Variants in PPM1B observed in about 807,000 individuals in gnomAD.
The protein encoded by PPM1B is protein phosphatase, Mg2+/Mn2+ dependent 1B, also known as protein phosphatase 1B.
Under a neutral mutation model 43.0 loss-of-function variants are expected in PPM1B, and 22 were observed. The ratio of observed to expected loss-of-function variants is 0.51; its 90% CI spans 0.37 to 0.73. The LOEUF is 0.73. PPM1B is among the 30% of genes least tolerant of loss of function. The probability of loss-of-function intolerance (pLI) is 0.00; values close to 1 mark genes in which losing one functional copy is unlikely to be tolerated. For synonymous variants in PPM1B, 217 were observed against 197.9 expected (o/e 1.10, Z -0.81); for missense variants, 632 against 584.2 (o/e 1.08, Z -0.84).
At chr2:44,171,136 G>T (rs969713412) in intron 1 of PPM1B, among the ~76,000 whole-genome samples, 1 of 152,166 alleles carries the variant, frequency 6.6e-6, no homozygotes, top group Non-Finnish European at 1.5e-5. Flanking sequence ...TTGTTGAAGT[G>T]ATTGTTCTCT....
At chr2:44,221,136 G>C (rs1669961508) in intron 5 of PPM1B, among the ~76,000 whole-genome samples, 1 of 152,152 alleles carries the variant, frequency 6.6e-6, no homozygotes, top group Non-Finnish European at 1.5e-5. Flanking sequence ...AAGAGATGCA[G>C]GCAGTCAGGT....
chr2:44,213,177 G>T (rs1669563207), intron 3 of PPM1B, among the ~76,000 whole-genome samples: 1 of 135,930 alleles, frequency 7.4e-6, no homozygotes, highest in South Asian at 2.3e-4. Context: ...ATAACCTTTT[G>T]GTTTTATATA....
chr2:44,218,628 A>G, intron 5 of PPM1B, 91 bp downstream of exon 5: 1 of 877,026 alleles, frequency 1.1e-6, no homozygotes. Context: ...AGTCTATAAT[A>G]AATTATAGTC....
intron 1 of PPM1B, among the ~76,000 whole-genome samples, chr2:44,183,000 G>A (rs1171394904): frequency 2.0e-5 from 3 of 152,212 alleles, no homozygotes; most frequent in Non-Finnish European, 2.9e-5. Context: ...GGGTCTTGCA[G>A]AATTCCCTTT....
At chr2:44,234,858 T>TA (rs1454184747), downstream of PPM1B, among the ~76,000 whole-genome samples, 1 of 152,242 alleles carries the variant, frequency 6.6e-6, no homozygotes, top group Admixed American at 6.5e-5. Flanking sequence ...ATAATTGTCT[T>TA]ATAAGTTAGG....
intron 1 of PPM1B, among the ~76,000 whole-genome samples, chr2:44,171,988 G>A (rs980202291): frequency 6.6e-6 from 1 of 152,052 alleles, no homozygotes; most frequent in Non-Finnish European, 1.5e-5. Flanking sequence ...TATATTTTCT[G>A]TGAAATATGC....
intron 1 of PPM1B, among the ~76,000 whole-genome samples, chr2:44,174,326 C>G (rs1296025493): frequency 6.6e-6 from 1 of 152,174 alleles, no homozygotes; most frequent in Non-Finnish European, 1.5e-5. Flanking sequence ...TTAGAGGAGA[C>G]AGACAAACTT....
At chr2:44,189,627 C>T (rs1422056324) in intron 1 of PPM1B, among the ~76,000 whole-genome samples, 1 of 152,114 alleles carries the variant, frequency 6.6e-6, no homozygotes, top group South Asian at 2.1e-4. Context: ...CCACGCCTGG[C>T]TAATTTTTTG....
intron 5 of PPM1B, among the ~76,000 whole-genome samples, chr2:44,243,697 T>A (rs983262520): frequency 3.9e-5 from 6 of 152,200 alleles, no homozygotes; most frequent in Admixed American, 3.3e-4. Flanking sequence ...TTCTATTTTA[T>A]CGTTTTGTGT....
intron 5 of PPM1B, among the ~76,000 whole-genome samples, chr2:44,240,810 A>T (rs1008242320): frequency 7.4e-6 from 1 of 134,658 alleles, no homozygotes; most frequent in East Asian, 2.1e-4. Flanking sequence ...CTAAGCTAAG[A>T]GAGTCCCGAG....
chr2:44,210,257 C>T (rs930308655), intron 3 of PPM1B, among the ~76,000 whole-genome samples: 2 of 148,004 alleles, frequency 1.4e-5, no homozygotes, highest in Admixed American at 1.4e-4. Context: ...TGCTCTGTTG[C>T]CTAGGCTGGA....
chr2:44,198,187 G>C (rs927293011), intron 1 of PPM1B, among the ~76,000 whole-genome samples: 35 of 152,226 alleles, frequency 2.3e-4, no homozygotes, highest in African/African-American at 8.4e-4. Context: ...TTGAGACGGA[G>C]TCTTGCTCTG....
chr2:44,206,053 TTTTCTG>T (rs1437791386), intron 2 of PPM1B, among the ~76,000 whole-genome samples: 30 of 152,124 alleles, frequency 2.0e-4, no homozygotes, highest in African/African-American at 7.2e-4. Context: ...TATCAGATTG[TTTTCTG>T]TTTAAGTTTA....
intron 5 of PPM1B, chr2:44,229,848 T>C: frequency 1.3e-6 from 1 of 770,810 alleles, no homozygotes. Context: ...ATACTGAGAA[T>C]ACTTAATTTA....
intron 1 of PPM1B, among the ~76,000 whole-genome samples, chr2:44,179,117 G>T (rs940574090): frequency 4.0e-5 from 6 of 151,796 alleles, no homozygotes; most frequent in Non-Finnish European, 8.8e-5. Context: ...CATGAGATCT[G>T]ATGGTTTTAT....
intron 5 of PPM1B, among the ~76,000 whole-genome samples, chr2:44,225,342 A>T (rs915063570): frequency 1.3e-5 from 2 of 152,216 alleles, no homozygotes; most frequent in African/African-American, 2.4e-5. Context: ...TAGGTGTGCT[A>T]TATCAACTGT....
At chr2:44,208,036 G>T (rs550183648) in intron 2 of PPM1B, among the ~76,000 whole-genome samples, 1 of 151,586 alleles carries the variant, frequency 6.6e-6, no homozygotes, top group Non-Finnish European at 1.5e-5. Flanking sequence ...TTACAGGTGC[G>T]CGCCACCACG....
intron 5 of PPM1B, among the ~76,000 whole-genome samples, chr2:44,224,455 C>CAAA (rs75767532): frequency 9.4e-5 from 8 of 84,670 alleles, no homozygotes; most frequent in African/African-American, 3.3e-4. Context: ...ACTCCGTCTC[C>CAAA]AAAAAAAAAA....
chr2:44,221,055 A>AT (rs1429175002), intron 5 of PPM1B, among the ~76,000 whole-genome samples: 2 of 152,234 alleles, frequency 1.3e-5, no homozygotes, highest in African/African-American at 2.4e-5. Context: ...TGTTTAGAGC[A>AT]TAAGAATGAT....
Sources: gnomAD v4.1 joint callset for allele counts (sites outside exome capture counted in the v4.1 genomes callset) on GRCh38, gnomAD v4.1.1 for gene constraint, MANE v1.5 for transcripts, NCBI Gene and HGNC (gene_info 2026-07-23, HGNC 2026-07-21) for gene names.